ARL17A: variants seen among roughly 807,000 people sequenced by gnomAD.
The protein encoded by ARL17A is ADP-ribosylation factor-like 17-like.
At chr17:46,534,116 C>T (rs2054172888) in intron 4 of ARL17A, among the ~76,000 whole-genome samples, 1 of 144,772 alleles carries the variant, frequency 6.9e-6, no homozygotes. Flanking sequence ...CAGGCTTAAG[C>T]AATGCTGTCA....
At chr17:46,502,236 AGATTT>A in the ARL17A span, among the ~76,000 whole-genome samples, 13 of 151,194 alleles carry the variant, frequency 8.6e-5, no homozygotes, top group Admixed American at 6.6e-4. Context: ...CATTCATATT[AGATTT>A]ATTTACTTAC....
At chr17:46,551,053 T>G (rs1191264960), downstream of ARL17A, among the ~76,000 whole-genome samples, 6 of 150,108 alleles carry the variant, frequency 4.0e-5, no homozygotes, top group South Asian at 2.1e-4. Context: ...TACAAAAATT[T>G]TTGGCCACAT....
At chr17:46,534,240 C>G (rs1226955757) in intron 4 of ARL17A, among the ~76,000 whole-genome samples, 1 of 145,808 alleles carries the variant, frequency 6.9e-6, no homozygotes, top group African/African-American at 2.7e-5. Flanking sequence ...GGGTGTTTCT[C>G]GCAGAGGGGG....
At chr17:46,558,017 C>A (rs1313974697) in intron 3 of ARL17A, among the ~76,000 whole-genome samples, 6 of 137,252 alleles carry the variant, frequency 4.4e-5, no homozygotes, top group Non-Finnish European at 9.4e-5. Flanking sequence ...TTGAAAAAGG[C>A]TGCCAGAGAA....
downstream of ARL17A, chr17:46,550,689 T>G: frequency 1.5e-6 from 1 of 683,398 alleles, no homozygotes; most frequent in Middle Eastern, 2.8e-4. Flanking sequence ...CAGTGTATAT[T>G]TCAGGATTTT....
intron 4 of ARL17A, among the ~76,000 whole-genome samples, chr17:46,534,724 C>T (rs796400491): frequency 7.3e-5 from 11 of 150,080 alleles, no homozygotes; most frequent in Admixed American, 1.3e-4. Context: ...ACCTCCCAGA[C>T]GGGGTGGCGG....
the ARL17A span, among the ~76,000 whole-genome samples, chr17:46,501,090 G>A: frequency 6.6e-6 from 1 of 151,428 alleles, no homozygotes; most frequent in East Asian, 1.9e-4. Flanking sequence ...GAATATCCCT[G>A]TGTTGCCCAG....
rs2057322947 is a variant in ARL17A, at chr17:46,557,077, C to T, written c.*279G>A. ...GAAAAGTTTAAAAAGGAAAAAACAC[C>T]TAGGAGAAAAGAAAAATGATAAATT... On this transcript the variant is annotated 3_prime_UTR_variant, in exon 4 of 4. Transcript: ENST00000336125. 4.2e-6 allele frequency: 2 copies of T among 479,354 alleles called. No individual in the cohort carries two copies. The highest frequency in any genetic ancestry group is 7.1e-6 in the Non-Finnish European group (2 of 280,802). 29.7% of individuals were successfully genotyped at this position (479,354 alleles called of 1,614,324 possible).
intron 4 of ARL17A, among the ~76,000 whole-genome samples, chr17:46,534,282 G>A (rs2054218653): frequency 7.0e-6 from 1 of 142,544 alleles, no homozygotes. Flanking sequence ...ATAGTGGAGG[G>A]AAGGTCAGCA....
chr17:46,528,668 C>G (rs2053147599), downstream of ARL17A: 4 of 569,266 alleles, frequency 7.0e-6, no homozygotes, highest in East Asian at 3.0e-5. Context: ...TGCAGTGAGC[C>G]AAGATCACAC....
At chr17:46,526,038 GA>G (rs1234368072), downstream of ARL17A, among the ~76,000 whole-genome samples, 6 of 79,190 alleles carry the variant, frequency 7.6e-5, 1 homozygote, top group African/African-American at 3.4e-4. Context: ...TCATGGTGAT[GA>G]AAAAATCAGA....
downstream of ARL17A, among the ~76,000 whole-genome samples, chr17:46,525,602 T>TATAATAATAATA (rs61094611): frequency 3.0e-4 from 31 of 103,138 alleles, no homozygotes; most frequent in African/African-American, 5.3e-4. Context: ...ATAATAATAA[T>TATAATAATAATA]ATAATAATAA....
chr17:46,551,256 T>C (rs908133033), downstream of ARL17A, among the ~76,000 whole-genome samples: 2 of 149,444 alleles, frequency 1.3e-5, no homozygotes, highest in African/African-American at 2.6e-5. Flanking sequence ...ACAGTGCCCA[T>C]TCCTGGAGCT....
intron 3 of ARL17A, among the ~76,000 whole-genome samples, chr17:46,558,548 G>T (rs2057414231): frequency 1.1e-5 from 1 of 89,504 alleles, no homozygotes; most frequent in Non-Finnish European, 2.1e-5. Context: ...CACCATGCCC[G>T]GCCAATTTTT....
chr17:46,543,362 T>C (rs1160643083), intron 3 of ARL17A, among the ~76,000 whole-genome samples: 2 of 150,824 alleles, frequency 1.3e-5, no homozygotes, highest in Non-Finnish European at 2.9e-5. Flanking sequence ...CAGTATACTT[T>C]AAAACAATCC....
At chr17:46,550,765 G>A (rs2056703741), downstream of ARL17A, among the ~76,000 whole-genome samples, 3 of 80,882 alleles carry the variant, frequency 3.7e-5, 1 homozygote, top group East Asian at 2.4e-4. Flanking sequence ...ACTATTTTAA[G>A]AAGTCGAAAA....
Position 46,556,645 on chromosome 17 carries a change from ACG to A in ARL17A, c.*709_*710del, listed in dbSNP as rs1243076265. 3 of 6,262 alleles carry A rather than the reference ACG, an allele frequency of 4.8e-4. No individual in the cohort carries two copies. In the South Asian group the frequency reaches 6.1e-3, roughly 13 times the overall value. The allele number at this position is 6,262 out of a possible 1,614,324, so 0.4% of individuals were successfully genotyped here. Reference sequence around the variant, plus strand: ...AAGAGTCACCTCATGAGAACAAAGGACGCTTCTATCACCCAGAAAATTCCAAG... The same window carrying A: ...AAGAGTCACCTCATGAGAACAAAGGACTTCTATCACCCAGAAAATTCCAAG... On this transcript the variant is annotated 3_prime_UTR_variant, in exon 4 of 4. Coordinates refer to ENST00000336125, the MANE Select transcript of ARL17A (RefSeq NM_001113738.2).
intron 3 of ARL17A, among the ~76,000 whole-genome samples, chr17:46,568,784 CCA>C (rs766910515): frequency 3.5e-5 from 2 of 56,844 alleles, no homozygotes; most frequent in Non-Finnish European, 7.2e-5. Flanking sequence ...GACCCTGTCT[CCA>C]AAAAAAAAAA....
rs1355653447 is a variant in ARL17A at position 46,572,997 on chromosome 17, G to A, written c.149-2128C>T. Among the ~76,000 whole-genome samples, 128 of 25,768 alleles carry A rather than the reference G, an allele frequency of 5.0e-3. 1 individual carries two copies. The highest frequency in any genetic ancestry group is 9.4e-3 in the African/African-American group (125 of 13,310). 16.9% of individuals were successfully genotyped at this position (25,768 alleles called of 152,430 possible). A position where few individuals can be genotyped will look rare whatever the true frequency, so the allele number is the denominator to read the frequency against. On this transcript the variant is annotated intron_variant, in intron 2 of 3. Coordinates refer to ENST00000336125, the MANE Select transcript of ARL17A (RefSeq NM_001113738.2). ...AGGGAGGGAGGGAGGGAGGGAGGGA[G>A]GAAGGGAGGAAGGGAGGAAGGGAGG...
Sources: allele counts gnomAD v4.1 joint callset (sites outside exome capture counted in the v4.1 genomes callset), GRCh38; gene constraint gnomAD v4.1.1; transcripts MANE v1.5; gene names NCBI Gene and HGNC (gene_info 2026-07-23, HGNC 2026-07-21).